The following TREH variants were observed in gnomAD, a reference collection of about 807,000 sequenced individuals.
The protein encoded by TREH is trehalase, also known as alpha,alpha-trehalose glucohydrolase.
A neutral mutation model predicts 80.5 loss-of-function variants in TREH; 69 were observed. That is an observed-to-expected ratio of 0.86 (90% CI 0.71 to 1.05). The LOEUF (loss-of-function observed/expected upper bound fraction) is 1.05, where lower values mean the gene tolerates loss of function less well. TREH is among the 50% of genes least tolerant of loss of function. TREH has a pLI of 0.00. For missense variants in TREH, 716 were observed against 718.8 expected, an observed-to-expected ratio of 1.00 and a Z score of 0.04; for synonymous variants, 309 against 293.5, an observed-to-expected ratio of 1.05 and a Z score of -0.54.
At position 118,661,611 on chromosome 11, in the gene TREH, G is replaced by A. The variant is rs782461439; in HGVS notation, c.617+26C>T. On this transcript the variant is annotated intron_variant, in intron 6 of 14. Transcript: ENST00000264029. The surrounding 1 kb of genome is among the most constrained non-coding windows in gnomAD (Gnocchi z 4.2). The stretch of plus-strand genomic sequence containing the variant: ...CACACCTGCCTCTCCTCCCCACCTA[G>A]GCTGGAGGTGCCTGGCCCCCCTCAC... 103 of 1,613,812 alleles carry A rather than the reference G, an allele frequency of 6.4e-5. No homozygotes were observed. The highest frequency in any genetic ancestry group is 3.7e-4 in the South Asian group (34 of 91,082).
At chr11:118,662,057 G>A in intron 4 of TREH, 67 bp from the exon 5 acceptor site, 1 of 1,290,944 alleles carries the variant, frequency 7.7e-7, no homozygotes, top group East Asian at 2.5e-5. Context: ...CAGGCAGCTG[G>A]GGGATCTGAG....
chr11:118,667,747 G>C (rs1340033052), intron 1 of TREH, among the ~76,000 whole-genome samples: 1 of 152,152 alleles, frequency 6.6e-6, no homozygotes, highest in African/African-American at 2.4e-5. Context: ...CAGCATACAT[G>C]GTGGAATAAA....
At position 118,658,988 on chromosome 11, in the gene TREH, G is replaced by T; in HGVS notation, c.1462C>A (p.Gln488Lys). The T allele has an allele frequency of 1.2e-6, 2 of 1,613,856 alleles. No individual in the cohort carries two copies. Among genetic ancestry groups the T allele is most frequent in the Non-Finnish European group, 1.7e-6 (2 of 1,179,872 alleles). The change falls in exon 13 of 15, where the codon CAG (glutamine) becomes AAG (lysine). Residue 488 changes from glutamine (Q) to lysine (K), a missense_variant. Gln to Lys is a moderately conservative substitution (Grantham distance 53). Coordinates refer to ENST00000264029, the MANE Select transcript of TREH (RefSeq NM_007180.3). Reference sequence around the variant, plus strand: ...TGAGCCAGCTGGAAAGCCACTTCCTGGGCCCGACGTAAAGGTGCCTTGGCC... The same window carrying T: ...TGAGCCAGCTGGAAAGCCACTTCCTTGGCCCGACGTAAAGGTGCCTTGGCC... Reference protein sequence around the residue: ...GLAKAPLRRAQEVAFQLAQNW... With the variant: ...GLAKAPLRRAKEVAFQLAQNW...
rs1555145411 is a variant in TREH at position 118,663,432 on chromosome 11, A to G, written c.97T>C (p.Tyr33His). ...ALPPPCESEI[Y>H]CHGELLNQVQ... Reference sequence around the variant, plus strand: ...TGGTTTAGGAGCTCCCCGTGGCAGTAAATCTCACTGCAGAGACAGGGATAG... The same window carrying G: ...TGGTTTAGGAGCTCCCCGTGGCAGTGAATCTCACTGCAGAGACAGGGATAG... The change falls in exon 2 of 15, where the codon TAC becomes CAC. Residue 33 changes from tyrosine (Y) to histidine (H), a missense_variant. By Grantham distance (83) the Tyr-to-His change is moderately conservative. Transcript: ENST00000264029. The G allele has an allele frequency of 1.3e-6, 2 of 1,578,556 alleles. No homozygotes were observed. Among genetic ancestry groups the G allele is most frequent in the African/African-American group, 2.7e-5 (2 of 74,314 alleles).
At chr11:118,667,854 CT>C (rs1249808676) in intron 1 of TREH, among the ~76,000 whole-genome samples, 1 of 152,080 alleles carries the variant, frequency 6.6e-6, no homozygotes, top group Admixed American at 6.6e-5. Flanking sequence ...ACCTTAAAGT[CT>C]TTTATCCCTA....
chr11:118,678,502 T>G (rs1949502399), intron 1 of TREH, among the ~76,000 whole-genome samples: 1 of 151,706 alleles, frequency 6.6e-6, no homozygotes, highest in African/African-American at 2.4e-5. Flanking sequence ...TAGCTGGGAT[T>G]ACAGGCGTGC....
chr11:118,679,390 T>C (rs988797840), intron 1 of TREH, 149 bp downstream of exon 1: 90 of 1,076,872 alleles, frequency 8.4e-5, no homozygotes, highest in Non-Finnish European at 1.0e-4. Context: ...GCCTGCTACA[T>C]AGGAATTCTC....
Position 118,662,962 on chromosome 11 carries a change from C to G in TREH, c.342G>C (p.Gln114His), listed in dbSNP as rs1949341040. The G allele has an allele frequency of 2.5e-6, 4 of 1,612,394 alleles. No individual in the cohort carries two copies. Among genetic ancestry groups the G allele is most frequent in the Middle Eastern group, 1.6e-4 (1 of 6,074 alleles). The change falls in exon 4 of 15, where the codon CAG becomes CAC. Residue 114 changes from glutamine (Q) to histidine (H), a missense_variant. Physicochemically the swap from Gln to His is conservative, Grantham distance 24. Transcript: ENST00000264029. ...WTPADWKDSP[Q>H]FLQKISDAKL... ...TGGCATCTGAAATCTTCTGCAGGAA[C>G]TGGGGGCTGAAAGAACACAGGCCCC...
At position 118,659,908 on chromosome 11, in the gene TREH, G is replaced by C. The variant is rs202035081; in HGVS notation, c.1159C>G (p.Leu387Val). The change falls in exon 11 of 15, where the codon CTG (leucine) becomes GTG (valine). Residue 387 changes from leucine (L) to valine (V), a missense_variant. Physicochemically the swap from Leu to Val is conservative, Grantham distance 32. Coordinates refer to ENST00000264029, the MANE Select transcript of TREH (RefSeq NM_007180.3). ...RILRSQRLAALNTVLWDEQTG... is the reference protein window; with the variant it reads ...RILRSQRLAAVNTVLWDEQTG... ...TGCTCATCCCACAGGACTGTGTTCA[G>C]GGCGGCCAAGCGCTGCGACCGCAGG... is the stretch of plus-strand genomic sequence containing the variant. The C allele has an allele frequency of 1.3e-6, 2 of 1,551,774 alleles. No homozygotes were observed. The highest frequency in any genetic ancestry group is 1.7e-6 in the Non-Finnish European group (2 of 1,147,024).
At chr11:118,678,011 A>G (rs1555147043) in intron 1 of TREH, among the ~76,000 whole-genome samples, 1 of 152,078 alleles carries the variant, frequency 6.6e-6, no homozygotes, top group Non-Finnish European at 1.5e-5. Flanking sequence ...CACACCCTCT[A>G]TTGAACCCCT....
intron 10 of TREH, 134 bp downstream of exon 10, chr11:118,660,405 G>A (rs1949306229): frequency 2.3e-6 from 2 of 856,354 alleles, no homozygotes; most frequent in South Asian, 1.8e-5. Context: ...GTGAGTGCAG[G>A]CTTCCACTAG....
intron 1 of TREH, among the ~76,000 whole-genome samples, chr11:118,667,492 C>G (rs782184632): frequency 2.6e-5 from 4 of 152,208 alleles, no homozygotes; most frequent in Non-Finnish European, 5.9e-5. Flanking sequence ...TGTGGGCCAG[C>G]ATGCCCAGCC....
intron 1 of TREH, among the ~76,000 whole-genome samples, chr11:118,675,892 A>G (rs526597): frequency 0.32 from 48,777 of 151,968 alleles, 8,243 homozygotes; most frequent in Admixed American, 0.46. Context: ...TGGTAGAGAC[A>G]GGGTTTCACC....
intron 1 of TREH, among the ~76,000 whole-genome samples, chr11:118,673,713 A>G (rs1238066616): frequency 6.6e-6 from 1 of 152,222 alleles, no homozygotes; most frequent in East Asian, 1.9e-4. Context: ...CCATATAGAC[A>G]AGGTTCCCAT....
intron 1 of TREH, among the ~76,000 whole-genome samples, chr11:118,670,094 T>TA (rs1318458342): frequency 1.3e-5 from 2 of 152,150 alleles, no homozygotes; most frequent in African/African-American, 4.8e-5. Flanking sequence ...ACTTTTTATT[T>TA]AAAAAAAGAA....
intron 12 of TREH, 65 bp downstream of exon 12, chr11:118,659,305 C>A (rs1315111220): frequency 7.5e-7 from 1 of 1,333,798 alleles, no homozygotes; most frequent in Non-Finnish European, 1.0e-6. Flanking sequence ...GCCTCCCCAG[C>A]ACCAGGGAGG....
Position 118,663,163 on chromosome 11 carries a change from C to T in TREH, c.224G>A (p.Arg75Lys). 1 of 1,613,256 alleles carries T rather than the reference C, an allele frequency of 6.2e-7. No homozygotes were observed. Reference protein sequence around the residue: ...QVLQTFTELSRDHNHSIPREQ... With the variant: ...QVLQTFTELSKDHNHSIPREQ... ...CCTGGGGATGCTGTGATTGTGGTCC[C>T]TGGACAGCTCAGTGAAGGTCTGCAG... Residue 75 changes from arginine to lysine, a missense_variant, in exon 3 of 15, where the codon AGG becomes AAG. Physicochemically the swap from Arg to Lys is conservative, Grantham distance 26 (BLOSUM62 2). Coordinates refer to ENST00000264029, the MANE Select transcript of TREH (RefSeq NM_007180.3).
Position 118,658,702 on chromosome 11 carries a change from C to T in TREH, c.1577G>A (p.Gly526Glu). 1 of 1,600,760 alleles carries T rather than the reference C, an allele frequency of 6.2e-7. No individual in the cohort carries two copies. The highest frequency in any genetic ancestry group is 8.5e-7 in the Non-Finnish European group (1 of 1,173,580). ...YDVSNGGQPG[G>E]GGEYEVQEGF... ...CACCTGAACTTCATATTCTCCTCCC[C>T]CACCGGGCTGTCCACCGTTGCTGAC... Residue 526 changes from glycine to glutamate, a missense_variant, in exon 14 of 15, where the codon GGG (glycine) becomes GAG (glutamate). Transcript: ENST00000264029.
intron 1 of TREH, 133 bp downstream of exon 1, chr11:118,679,406 C>G: frequency 3.8e-5 from 43 of 1,137,368 alleles, no homozygotes; most frequent in Non-Finnish European, 4.9e-5. Context: ...TTCTCATTTT[C>G]TTCTCTTCCC....
Sources: allele counts gnomAD v4.1 joint callset (sites outside exome capture counted in the v4.1 genomes callset), GRCh38; gene constraint gnomAD v4.1.1; non-coding constraint Gnocchi (gnomAD v3.1); transcripts MANE v1.5; gene names NCBI Gene and HGNC (gene_info 2026-07-23, HGNC 2026-07-21).